The following SIAE variants were observed in gnomAD, a reference collection of about 807,000 sequenced individuals.
SIAE encodes the protein sialic acid acetylesterase.
Under a neutral mutation model 52.6 loss-of-function variants are expected in SIAE, and 39 were observed. The observed-to-expected ratio is 0.74, with a 90% confidence interval of 0.57 to 0.97. The LOEUF is 0.97. Ranked by LOEUF, SIAE falls within the 50% of genes least tolerant of loss-of-function variation. SIAE has a pLI of 0.00. For missense variants in SIAE, 592 were observed against 662.1 expected (o/e 0.89, Z 1.16); for synonymous variants, 233 against 241.4 (o/e 0.97, Z 0.32).
chr11:124,664,185 A>ACTAGGGCTTTATGTTCTCATGTCTGGGTT (rs1422592970), intron 2 of SIAE, among the ~76,000 whole-genome samples: 2 of 151,864 alleles, frequency 1.3e-5, no homozygotes, highest in Non-Finnish European at 2.9e-5. Context: ...ATGCAAATTG[A>ACTAGGGCTTTATGTTCTCATGTCTGGGTT]CTAGGGCTTT....
intron 4 of SIAE, among the ~76,000 whole-genome samples, chr11:124,650,929 T>C (rs1266071140): frequency 6.6e-6 from 1 of 152,214 alleles, no homozygotes; most frequent in Admixed American, 6.5e-5. Context: ...GTCTAATTCA[T>C]TCATCCAATT....
rs1044721118 is a variant in SIAE, at chr11:124,645,924, G to A, written c.966+1441C>T. Among the ~76,000 whole-genome samples, 5 of 152,216 alleles carry A rather than the reference G, an allele frequency of 3.3e-5. No individual in the cohort carries two copies. Among genetic ancestry groups the A allele is most frequent in the African/African-American group, 1.2e-4 (5 of 41,446 alleles). ...TATTCAAAAGAAGGTACAGTGAAAA[G>A]GACAAGGTAGGGGAGTGGGGAGGAT... On this transcript the variant is annotated intron_variant, in intron 7 of 9. Transcript: ENST00000263593. This position sits in a 1 kb window ranked among gnomAD's most constrained non-coding sequence, Gnocchi z 4.7.
Position 124,669,439 on chromosome 11 carries a change from G to C in SIAE, c.150C>G (p.Phe50Leu). The C allele has an allele frequency of 6.2e-7, 1 of 1,614,116 alleles. No homozygotes were observed. Among genetic ancestry groups the C allele is most frequent in the Non-Finnish European group, 8.5e-7 (1 of 1,180,018 alleles). Residue 50 changes from phenylalanine (F) to leucine (L), a missense_variant, in exon 2 of 10, where the codon TTC (phenylalanine) becomes TTG (leucine). Coordinates refer to ENST00000263593, the MANE Select transcript of SIAE (RefSeq NM_170601.5). ...KEPAGAVIWGFGTPGATVTVT... is the reference protein window; with the variant it reads ...KEPAGAVIWGLGTPGATVTVT... ...CGGTCACTGTGGCTCCAGGTGTACC[G>C]AAGCCCCATATCACTGCCCCAGCAG...
chr11:124,675,258 C>T (rs779576077), upstream of SIAE: 1 of 1,610,010 alleles, frequency 6.2e-7, no homozygotes, highest in Admixed American at 1.7e-5. Flanking sequence ...CAGTTCTTAC[C>T]AAGAAGATGT....
In SIAE at chr11:124,645,596, C is replaced by T. The variant is rs560051106; in HGVS notation, c.966+1769G>A. Among the ~76,000 whole-genome samples, 6 of 152,262 alleles carry T rather than the reference C, an allele frequency of 3.9e-5. No individual in the cohort carries two copies. Among genetic ancestry groups the T allele is most frequent in the South Asian group, 2.1e-4 (1 of 4,826 alleles). ...GATTACAAGCGTGAGCCACCAAGCC[C>T]GGCCTGATTGCTATATTTCTAGCAC... On this transcript the variant is annotated intron_variant, in intron 7 of 9. Coordinates refer to ENST00000263593, the MANE Select transcript of SIAE (RefSeq NM_170601.5). This position sits in a 1 kb window ranked among gnomAD's most constrained non-coding sequence, Gnocchi z 4.7.
At chr11:124,652,903 C>A (rs1181898673) in intron 4 of SIAE, among the ~76,000 whole-genome samples, 1 of 151,924 alleles carries the variant, frequency 6.6e-6, no homozygotes, top group African/African-American at 2.4e-5. Context: ...CTCATTAGCA[C>A]GTCACCCATT....
At chr11:124,647,696 C>G (rs1942960509) in intron 6 of SIAE, among the ~76,000 whole-genome samples, 198 bp from the exon 7 acceptor site, 1 of 152,104 alleles carries the variant, frequency 6.6e-6, no homozygotes, top group Non-Finnish European at 1.5e-5. Context: ...TGGGCTCTGT[C>G]CTCTCCTGAT....
chr11:124,665,570 A>G (rs1326883723), intron 2 of SIAE, among the ~76,000 whole-genome samples: 3 of 152,176 alleles, frequency 2.0e-5, no homozygotes, highest in African/African-American at 7.2e-5. Context: ...CCATGACCAG[A>G]CTTCAGACCC....
chr11:124,639,901 T>C (rs776407134), intron 7 of SIAE, 34 bp from the exon 8 acceptor site: 1 of 1,611,558 alleles, frequency 6.2e-7, no homozygotes, highest in South Asian at 1.1e-5. Flanking sequence ...TTTTATTGTA[T>C]CAGAATCCCA....
At chr11:124,647,339 C>T (rs1417594714) in intron 7 of SIAE, 26 bp downstream of exon 7, 17 of 1,614,132 alleles carry the variant, frequency 1.1e-5, no homozygotes, top group Non-Finnish European at 1.4e-5. Flanking sequence ...TTGACATGAA[C>T]AGAGAAGCCT....
intron 9 of SIAE, among the ~76,000 whole-genome samples, chr11:124,637,577 C>T (rs528530536): frequency 6.6e-6 from 1 of 152,168 alleles, no homozygotes. Flanking sequence ...GCTGCTGCTC[C>T]GCTCTGGCAC....
In SIAE at chr11:124,649,677, G is replaced by T; in HGVS notation, c.664C>A (p.Pro222Thr). Reference protein sequence around the residue: ...GLIASSWGGTPIEAWSSGRSL... With the variant: ...GLIASSWGGTTIEAWSSGRSL... ...CGTCCAGATGACCAGGCTTCAATGG[G>T]TGTCCCGCCCCAGCTGGAGGCGATC... Residue 222 changes from proline to threonine, a missense_variant, in exon 5 of 10, where the codon CCC becomes ACC. Coordinates refer to ENST00000263593, the MANE Select transcript of SIAE (RefSeq NM_170601.5). 6.2e-7 allele frequency: 1 copy of T among 1,614,194 alleles called. No individual in the cohort carries two copies.
chr11:124,648,690 T>A (rs892657781), intron 5 of SIAE, among the ~76,000 whole-genome samples: 1 of 152,154 alleles, frequency 6.6e-6, no homozygotes, highest in Non-Finnish European at 1.5e-5. Flanking sequence ...TCTGAACACG[T>A]TCTCAAATTT....
At position 124,649,886 on chromosome 11, in the gene SIAE, G is replaced by A. The variant is rs1942993449; in HGVS notation, c.545-90C>T. 48 of 1,214,936 alleles carry A rather than the reference G, an allele frequency of 4.0e-5. No individual in the cohort carries two copies. In the South Asian group the frequency reaches 5.6e-4, roughly 14 times the overall value. 75.3% of individuals were successfully genotyped at this position (1,214,936 alleles called of 1,614,324 possible). A position where few individuals can be genotyped will look rare whatever the true frequency, so the allele number is the denominator to read the frequency against. On this transcript the variant is annotated intron_variant, in intron 4 of 9. Coordinates refer to ENST00000263593, the MANE Select transcript of SIAE (RefSeq NM_170601.5). ...CTAGGTGGGTCGAGGTGAGAAGGGT[G>A]GGCAGAGGTCATTCTTCTGTTGTTT...
chr11:124,667,199 C>A (rs1011229308), intron 2 of SIAE, among the ~76,000 whole-genome samples: 1 of 152,122 alleles, frequency 6.6e-6, no homozygotes, highest in African/African-American at 2.4e-5. Flanking sequence ...CTGAGAGTGC[C>A]ATTATTTGTA....
intron 1 of SIAE, among the ~76,000 whole-genome samples, chr11:124,669,788 C>G (rs749332877): frequency 2.0e-5 from 3 of 152,222 alleles, no homozygotes; most frequent in Non-Finnish European, 4.4e-5. Context: ...ATAGTCTTCC[C>G]TCTCCTTCAG....
intron 9 of SIAE, 134 bp downstream of exon 9, chr11:124,638,408 G>T: frequency 1.1e-6 from 1 of 899,610 alleles, no homozygotes. Flanking sequence ...TTTATTTGCA[G>T]CTCTGAAATA....
chr11:124,637,254 G>A (rs533840040), intron 9 of SIAE, 52 bp from the exon 10 acceptor site: 1 of 1,611,888 alleles, frequency 6.2e-7, no homozygotes, highest in East Asian at 2.2e-5. Context: ...GGTCTTCCAA[G>A]AAACTGGGCA....
chr11:124,658,362 TA>T (rs60157755), intron 3 of SIAE, among the ~76,000 whole-genome samples: 1,710 of 142,108 alleles, frequency 0.012, 29 homozygotes, highest in East Asian at 0.094. Context: ...AGATAACTAT[TA>T]AAAAAAAAAA....
Sources: gnomAD v4.1 joint callset for allele counts (sites outside exome capture counted in the v4.1 genomes callset) on GRCh38, gnomAD v4.1.1 for gene constraint, Gnocchi (gnomAD v3.1) non-coding constraint, MANE v1.5 for transcripts, NCBI Gene and HGNC (gene_info 2026-07-23, HGNC 2026-07-21) for gene names.